PRSS55: variants seen among roughly 807,000 people sequenced by gnomAD.
PRSS55 encodes the protein serine protease 55, also known as probable serine protease UNQ9391/PRO34284.
In PRSS55, 41 loss-of-function variants were observed where a neutral mutation model predicts 23.6. The ratio of observed to expected loss-of-function variants is 1.74; its 90% confidence interval spans 1.35 to 2.26. The LOEUF (loss-of-function observed/expected upper bound fraction) is 2.26. Ranked by LOEUF, PRSS55 falls within the 30% of genes most tolerant of loss-of-function variation. The probability of loss-of-function intolerance (pLI) is 0.00; values close to 1 mark genes in which losing one functional copy is unlikely to be tolerated. For synonymous variants in PRSS55, 262 were observed against 175.5 expected, an observed-to-expected ratio of 1.49 and a Z score of -3.90; for missense variants, 669 against 439.1, an observed-to-expected ratio of 1.52 and a Z score of -4.68.
intron 4 of PRSS55, among the ~76,000 whole-genome samples, chr8:10,547,807 CGA>C (rs1585895446): frequency 6.8e-6 from 1 of 147,100 alleles, no homozygotes; most frequent in Non-Finnish European, 1.5e-5. Flanking sequence ...AAACATTTGC[CGA>C]GAGTCTTTTA....
In PRSS55 at chr8:10,531,516, G is replaced by A. The variant is rs1250793583; in HGVS notation, c.569G>A (p.Trp190Ter). The part of the protein sequence containing the change: ...QPGPATWREC[W>*]VAGWGQTNAA... ...GGCCCTGCCACATGGCGCGAATGCTGGGTGGCAGGTTGGGGCCAGACCAAT... is the reference window on the plus strand; with the variant it reads ...GGCCCTGCCACATGGCGCGAATGCTAGGTGGCAGGTTGGGGCCAGACCAAT... Residue 190 changes from tryptophan (W) to a stop codon, truncating the protein, a stop_gained, in exon 3 of 5, where the codon TGG becomes TAG. Transcript: ENST00000328655. LOFTEE classifies it high-confidence loss of function. The A allele has an allele frequency of 1.2e-6, 2 of 1,613,800 alleles. No homozygotes were observed. The highest frequency in any genetic ancestry group is 8.5e-7 in the Non-Finnish European group (1 of 1,180,044).
At chr8:10,534,138 A>G (rs1812372883) in intron 4 of PRSS55, among the ~76,000 whole-genome samples, 1 of 152,206 alleles carries the variant, frequency 6.6e-6, no homozygotes, top group South Asian at 2.1e-4. Context: ...AAAAAAACAA[A>G]AAAACATGCA....
intron 3 of PRSS55, among the ~76,000 whole-genome samples, chr8:10,532,245 T>A (rs1209645950): frequency 1.3e-5 from 2 of 152,008 alleles, no homozygotes; most frequent in Non-Finnish European, 2.9e-5. Context: ...GGACCTTAGT[T>A]CTGGGCTCCA....
chr8:10,543,601 G>C (rs12676504), downstream of PRSS55, among the ~76,000 whole-genome samples: 28,096 of 149,496 alleles, frequency 0.19, 2,889 homozygotes, highest in East Asian at 0.34. Context: ...CTGGTTTCTA[G>C]TATTCTCTGT....
chr8:10,544,964 T>C (rs7815466), intron 4 of PRSS55: 608,344 of 973,270 alleles, frequency 0.63, 192,288 homozygotes, highest in South Asian at 0.74. Flanking sequence ...TTATATTAAC[T>C]TTAACAGGGA....
chr8:10,537,506 T>G (rs900393153), intron 4 of PRSS55, among the ~76,000 whole-genome samples: 1 of 152,140 alleles, frequency 6.6e-6, no homozygotes, highest in African/African-American at 2.4e-5. Flanking sequence ...AAAACACAGT[T>G]AGTTAGAATG....
Position 10,532,902 on chromosome 8 carries a change from C to T in PRSS55, c.599-4C>T, listed in dbSNP as rs971848222. 6.2e-7 allele frequency: 1 copy of T among 1,614,072 alleles called. No individual in the cohort carries two copies. The highest frequency in any genetic ancestry group is 8.5e-7 in the Non-Finnish European group (1 of 1,179,982). ...TTCTCTAATGCGCTTTCTCTCTGGG[C>T]CAGCTGACAAAAACTCTGTGAAAAC... On this transcript the variant is annotated splice_polypyrimidine_tract_variant and splice_region_variant and intron_variant, in intron 3 of 4. Transcript: ENST00000328655.
chr8:10,548,836 G>T (rs1480149726), intron 4 of PRSS55, among the ~76,000 whole-genome samples: 1 of 152,078 alleles, frequency 6.6e-6, no homozygotes, highest in Non-Finnish European at 1.5e-5. Context: ...AGCATCTCCC[G>T]TGTGTCAGGC....
At chr8:10,546,314 C>T (rs144971435) in intron 4 of PRSS55, among the ~76,000 whole-genome samples, 1 of 152,306 alleles carries the variant, frequency 6.6e-6, no homozygotes, top group East Asian at 1.9e-4. Context: ...GGGAACTAAA[C>T]AGCCCCAGAC....
intron 4 of PRSS55, among the ~76,000 whole-genome samples, chr8:10,547,206 T>C (rs6994964): frequency 1 from 152,091 of 152,246 alleles, 75,968 homozygotes; most frequent in Non-Finnish European, 1. Flanking sequence ...CAACACTCTT[T>C]CCAGAGTGAG....
chr8:10,545,749 T>C (rs924023400), intron 4 of PRSS55, among the ~76,000 whole-genome samples: 1 of 152,212 alleles, frequency 6.6e-6, no homozygotes, highest in Admixed American at 6.5e-5. Context: ...TTATTCATTG[T>C]CTTGAGCAGT....
rs201824405 is a variant in PRSS55 at position 10,525,626 on chromosome 8, C to T, written c.41C>T (p.Thr14Met). Reference protein sequence around the residue: ...FSVLLLLSLVTGTQLGPRTPL... With the variant: ...FSVLLLLSLVMGTQLGPRTPL... ...GTGTTGCTGCTCCTGTCCCTGGTCACGGGAACTCAGCTCGGTCCACGGACT... is the reference window on the plus strand; with the variant it reads ...GTGTTGCTGCTCCTGTCCCTGGTCATGGGAACTCAGCTCGGTCCACGGACT... Residue 14 changes from threonine (T) to methionine (M), a missense_variant, in exon 1 of 5, where the codon ACG becomes ATG. Thr to Met is a moderately conservative substitution (Grantham distance 81). Transcript: ENST00000328655. 66 of 1,614,040 alleles carry T rather than the reference C, an allele frequency of 4.1e-5. No individual in the cohort carries two copies. Among genetic ancestry groups the T allele is most frequent in the African/African-American group, 1.3e-4 (10 of 74,934 alleles).
intron 4 of PRSS55, among the ~76,000 whole-genome samples, 177 bp from the exon 5 acceptor site, chr8:10,538,299 C>T (rs1224956172): frequency 1.3e-5 from 2 of 152,180 alleles, no homozygotes; most frequent in Non-Finnish European, 2.9e-5. Flanking sequence ...CGCTCTACAC[C>T]CCTACAACCT....
downstream of PRSS55, among the ~76,000 whole-genome samples, chr8:10,543,449 T>TTCCTTCCTTCCA (rs1232297889): frequency 4.1e-4 from 10 of 24,488 alleles, no homozygotes; most frequent in African/African-American, 7.1e-4. Flanking sequence ...CCTTCCATCC[T>TTCCTTCCTTCCA]TCCTTCCTTC....
At chr8:10,528,715 C>A (rs1044563299) in intron 1 of PRSS55, among the ~76,000 whole-genome samples, 21 of 152,250 alleles carry the variant, frequency 1.4e-4, no homozygotes, top group African/African-American at 5.1e-4. Context: ...CACCTGGCGG[C>A]TTAAACAACA....
At chr8:10,539,045 A>G (rs1812560387), downstream of PRSS55, among the ~76,000 whole-genome samples, 1 of 151,486 alleles carries the variant, frequency 6.6e-6, no homozygotes, top group Admixed American at 6.6e-5. Flanking sequence ...TTATGGATAC[A>G]TATAACAGAA....
At position 10,531,391 on chromosome 8, in the gene PRSS55, T is replaced by C. The variant is rs544801985; in HGVS notation, c.444T>C (p.Phe148=). The C allele has an allele frequency of 2.5e-6, 4 of 1,614,230 alleles. No individual in the cohort carries two copies. The highest frequency in any genetic ancestry group is 3.4e-6 in the Non-Finnish European group (4 of 1,180,054). The stretch of plus-strand genomic sequence containing the variant: ...CCAGCATCATTCTTCACAAAGACTT[T>C]AAGAGAGCCAACATGGACAATGACA... The part of the protein sequence containing the change: ...EVASIILHKD[F]KRANMDNDIA... Residue 148 remains phenylalanine, a synonymous_variant, in exon 3 of 5, where the codon TTT becomes TTC. Transcript: ENST00000328655.
intron 2 of PRSS55, among the ~76,000 whole-genome samples, chr8:10,530,216 T>C (rs1812201125): frequency 6.6e-6 from 1 of 152,206 alleles, no homozygotes; most frequent in South Asian, 2.1e-4. Flanking sequence ...ACGCCTGTCA[T>C]CCCAGCACTT....
intron 3 of PRSS55, 67 bp downstream of exon 3, chr8:10,531,612 A>G (rs1812270336): frequency 1.3e-6 from 2 of 1,584,766 alleles, no homozygotes; most frequent in Non-Finnish European, 8.6e-7. Flanking sequence ...GGAGGAAGCT[A>G]AGGAAGGAGT....
Sources: gnomAD v4.1 joint callset for allele counts (sites outside exome capture counted in the v4.1 genomes callset) on GRCh38, gnomAD v4.1.1 for gene constraint, MANE v1.5 for transcripts, NCBI Gene and HGNC (gene_info 2026-07-23, HGNC 2026-07-21) for gene names.